Variants in CDK14 observed in about 807,000 individuals in gnomAD.
CDK14 encodes the protein cyclin dependent kinase 14, also known as cyclin-dependent kinase 14.
CDK14 carries 34 observed loss-of-function variants against 60.7 expected under a neutral mutation model. The ratio of observed to expected loss-of-function variants is 0.56; its 90% confidence interval spans 0.43 to 0.75. CDK14 has a LOEUF of 0.75. Ranked by LOEUF, CDK14 falls within the 30% of genes least tolerant of loss-of-function variation. CDK14 has a pLI of 0.00. For synonymous variants in CDK14, 197 were observed against 203.7 expected, an observed-to-expected ratio of 0.97 and a Z score of 0.28; for missense variants, 482 against 564.1, an observed-to-expected ratio of 0.85 and a Z score of 1.47.
intron 2 of CDK14, among the ~76,000 whole-genome samples, chr7:90,635,702 T>C (rs974305154): frequency 3.3e-5 from 5 of 152,156 alleles, no homozygotes; most frequent in Non-Finnish European, 7.3e-5. Flanking sequence ...GGGATGGCAT[T>C]GAATCTATAA....
intron 14 of CDK14, among the ~76,000 whole-genome samples, chr7:91,149,182 TG>T (rs1800752312): frequency 6.6e-6 from 1 of 152,106 alleles, no homozygotes; most frequent in Admixed American, 6.5e-5. Context: ...GTTATTTAGG[TG>T]GGAAGAAACA....
At chr7:90,975,551 A>T (rs1357234060) in intron 9 of CDK14, among the ~76,000 whole-genome samples, 1 of 151,398 alleles carries the variant, frequency 6.6e-6, no homozygotes, top group Non-Finnish European at 1.5e-5. Flanking sequence ...AGTCTTAATA[A>T]TATATATAGT....
chr7:90,910,015 T>C (rs1230206444), intron 7 of CDK14, among the ~76,000 whole-genome samples: 1 of 152,126 alleles, frequency 6.6e-6, no homozygotes, highest in Non-Finnish European at 1.5e-5. Flanking sequence ...AAAATATATA[T>C]TGCAAAAAAA....
At chr7:91,176,183 A>G (rs1396185798) in intron 14 of CDK14, among the ~76,000 whole-genome samples, 2 of 152,118 alleles carry the variant, frequency 1.3e-5, no homozygotes, top group Non-Finnish European at 2.9e-5. Context: ...CTACATGGAA[A>G]CTGAACAACC....
chr7:90,690,628 A>G (rs1275076869), intron 2 of CDK14, among the ~76,000 whole-genome samples: 1 of 152,176 alleles, frequency 6.6e-6, no homozygotes, highest in East Asian at 1.9e-4. Context: ...TTATAACAGT[A>G]TTCAGTATAA....
At chr7:91,033,100 T>C (rs1343221852) in intron 10 of CDK14, among the ~76,000 whole-genome samples, 2 of 152,126 alleles carry the variant, frequency 1.3e-5, no homozygotes, top group Non-Finnish European at 2.9e-5. Flanking sequence ...TGGCCTCAAG[T>C]TTGCAGCTGA....
chr7:91,175,713 G>A (rs1801720128), intron 14 of CDK14, among the ~76,000 whole-genome samples: 1 of 149,834 alleles, frequency 6.7e-6, no homozygotes, highest in African/African-American at 2.5e-5. Context: ...AGACAAAGAA[G>A]GCCATTACAT....
At chr7:90,813,648 C>T (rs1265468369) in intron 5 of CDK14, among the ~76,000 whole-genome samples, 1 of 151,994 alleles carries the variant, frequency 6.6e-6, no homozygotes, top group Non-Finnish European at 1.5e-5. Context: ...ACTTGGGAGG[C>T]TGAGACAGAA....
intron 3 of CDK14, among the ~76,000 whole-genome samples, chr7:90,735,025 T>C (rs1563062685): frequency 6.6e-6 from 1 of 152,220 alleles, no homozygotes; most frequent in African/African-American, 2.4e-5. Context: ...TTGATGTTGA[T>C]GCTGTTCCTT....
intron 6 of CDK14, among the ~76,000 whole-genome samples, chr7:90,898,196 A>C (rs1036835469): frequency 2.0e-5 from 3 of 152,202 alleles, no homozygotes; most frequent in Admixed American, 1.3e-4. Flanking sequence ...ACTTTACTGT[A>C]ATCAGTGGCA....
At chr7:91,026,895 A>G (rs1796587724) in intron 10 of CDK14, among the ~76,000 whole-genome samples, 1 of 152,230 alleles carries the variant, frequency 6.6e-6, no homozygotes, top group African/African-American at 2.4e-5. Flanking sequence ...GATGCTGGAT[A>G]AATTAAAACG....
At chr7:91,102,226 AC>A (rs1048837398) in intron 12 of CDK14, among the ~76,000 whole-genome samples, 27 of 152,094 alleles carry the variant, frequency 1.8e-4, no homozygotes, top group Non-Finnish European at 3.5e-4. Context: ...ATGAGTATAG[AC>A]CCTCTGCATC....
intron 8 of CDK14, among the ~76,000 whole-genome samples, chr7:90,929,620 T>C (rs1481714673): frequency 2.6e-5 from 4 of 152,222 alleles, no homozygotes; most frequent in African/African-American, 9.6e-5. Flanking sequence ...TATGATAGAT[T>C]TATATTATTC....
intron 14 of CDK14, among the ~76,000 whole-genome samples, chr7:91,141,927 G>T (rs554836239): frequency 6.6e-6 from 1 of 152,110 alleles, no homozygotes; most frequent in South Asian, 2.1e-4. Context: ...CTGGGTTCAC[G>T]CCATTCTTCT....
chr7:91,154,920 G>A (rs1294817230), intron 14 of CDK14, among the ~76,000 whole-genome samples: 5 of 152,176 alleles, frequency 3.3e-5, no homozygotes, highest in African/African-American at 9.7e-5. Context: ...TGAGCCAAAC[G>A]TTTTAAGCCT....
At chr7:91,162,649 A>G (rs935098590) in intron 14 of CDK14, among the ~76,000 whole-genome samples, 1 of 152,174 alleles carries the variant, frequency 6.6e-6, no homozygotes, top group African/African-American at 2.4e-5. Flanking sequence ...AACTTCGGGA[A>G]GTCACTTACC....
chr7:91,070,041 C>T (rs1451973926), intron 11 of CDK14, among the ~76,000 whole-genome samples: 1 of 152,180 alleles, frequency 6.6e-6, no homozygotes, highest in Non-Finnish European at 1.5e-5. Context: ...AAGCAATCCT[C>T]CCACCTCGGC....
intron 5 of CDK14, among the ~76,000 whole-genome samples, chr7:90,802,218 TA>T (rs1381816283): frequency 2.0e-5 from 3 of 152,238 alleles, no homozygotes; most frequent in Admixed American, 1.3e-4. Flanking sequence ...AACATTATGT[TA>T]ATGCAACATT....
chr7:90,845,598 C>T (rs1790441855), intron 5 of CDK14, among the ~76,000 whole-genome samples: 1 of 151,592 alleles, frequency 6.6e-6, no homozygotes, highest in Non-Finnish European at 1.5e-5. Flanking sequence ...TTGTTTTTGC[C>T]AGCTCACTTT....
Sources: gnomAD v4.1 joint callset for allele counts (sites outside exome capture counted in the v4.1 genomes callset) on GRCh38, gnomAD v4.1.1 for gene constraint, MANE v1.5 for transcripts, NCBI Gene and HGNC (gene_info 2026-07-23, HGNC 2026-07-21) for gene names.